Variants in JAKMIP1 observed in about 807,000 individuals in gnomAD.
The protein encoded by JAKMIP1 is janus kinase and microtubule interacting protein 1.
A neutral mutation model predicts 113.0 loss-of-function variants in JAKMIP1; 33 were observed. That is an observed-to-expected ratio of 0.29 (90% CI 0.22 to 0.39). The LOEUF (loss-of-function observed/expected upper bound fraction) is 0.39, where lower values mean the gene tolerates loss of function less well. Ranked by LOEUF, JAKMIP1 falls within the 10% of genes least tolerant of loss-of-function variation. JAKMIP1 has a pLI of 1.00. For missense variants in JAKMIP1, 813 were observed against 1,080.5 expected (o/e 0.75, Z 3.47); for synonymous variants, 480 against 459.9 (o/e 1.04, Z -0.56).
chr4:6,151,650 G>A (rs1172731828), intron 1 of JAKMIP1, among the ~76,000 whole-genome samples: 1 of 152,174 alleles, frequency 6.6e-6, no homozygotes, highest in Non-Finnish European at 1.5e-5. Flanking sequence ...CAGTCCTCCT[G>A]GCTGGAACCA....
rs1454755156 is a variant in JAKMIP1, at chr4:6,167,265, C to T, written c.-148+32988G>A. 6.6e-6 allele frequency among the ~76,000 whole-genome samples: 1 copy of T among 152,064 alleles called. No individual in the cohort carries two copies. Among genetic ancestry groups the T allele is most frequent in the African/African-American group, 2.4e-5 (1 of 41,410 alleles). On this transcript the variant is annotated intron_variant, in intron 1 of 20. Transcript: ENST00000409021. The surrounding 1 kb of genome is among the most constrained non-coding windows in gnomAD (Gnocchi z 5.3). ...CCCTCCCTCTTGCATCCAAGCAGTC[C>T]CCATGTCCCATCAGAGCTGGGACTT...
At position 6,153,303 on chromosome 4, in the gene JAKMIP1, A is replaced by C. The variant is rs936998864; in HGVS notation, c.-147-40306T>G. Among the ~76,000 whole-genome samples, 2 of 152,130 alleles carry C rather than the reference A, an allele frequency of 1.3e-5. No individual in the cohort carries two copies. The highest frequency in any genetic ancestry group is 4.8e-5 in the African/African-American group (2 of 41,442). ...CTTCCCCGAGCCTGGCCTCCTTCAC[A>C]CAGGCCTTGGTCACAGGCAGATCTG... is the stretch of plus-strand genomic sequence containing the variant. On this transcript the variant is annotated intron_variant, in intron 1 of 20. Transcript: ENST00000409021. This position sits in a 1 kb window ranked among gnomAD's most constrained non-coding sequence, Gnocchi z 4.9.
At chr4:6,148,724 TC>T (rs2108977848) in intron 1 of JAKMIP1, among the ~76,000 whole-genome samples, 1 of 152,320 alleles carries the variant, frequency 6.6e-6, no homozygotes, top group East Asian at 1.9e-4. Context: ...TCACTGTGCC[TC>T]CAACTCCCAC....
At chr4:6,077,561 A>G (rs1181481579) in intron 8 of JAKMIP1, among the ~76,000 whole-genome samples, 1 of 138,708 alleles carries the variant, frequency 7.2e-6, no homozygotes, top group East Asian at 2.1e-4. Context: ...ATCATGACTC[A>G]CTACAGCCTT....
At position 6,156,789 on chromosome 4, in the gene JAKMIP1, T is replaced by G. The variant is rs2108994450; in HGVS notation, c.-148+43464A>C. On this transcript the variant is annotated intron_variant, in intron 1 of 20. Transcript: ENST00000409021. The surrounding 1 kb of genome is among the most constrained non-coding windows in gnomAD (Gnocchi z 5.0). ...CTCCACTGTCCCCAGATGTCTGGTC[T>G]TGGGAATCTCATGGCCACACCTGGC... Among the ~76,000 whole-genome samples, 1 of 152,376 alleles carries G rather than the reference T, an allele frequency of 6.6e-6. No homozygotes were observed. The highest frequency in any genetic ancestry group is 2.1e-4 in the South Asian group (1 of 4,832).
rs35403494 is a variant in JAKMIP1, at chr4:6,031,471, G to A, written c.2380-1690C>T. Among the ~76,000 whole-genome samples the A allele has an allele frequency of 0.093, 14,219 of 152,114 alleles. 770 individuals carry two copies. Among genetic ancestry groups the A allele is most frequent in the African/African-American group, 0.14 (5,789 of 41,464 alleles). ...GTGAGGTATCGTGCCGTGGGCTGGA[G>A]GAGACGTGGAACCCAGCAGGGTTAG... is the stretch of plus-strand genomic sequence containing the variant. On this transcript the variant is annotated intron_variant, in intron 19 of 20. Coordinates refer to ENST00000409021, the MANE Select transcript of JAKMIP1 (RefSeq NM_001099433.2). The surrounding 1 kb of genome is among the most constrained non-coding windows in gnomAD (Gnocchi z 4.4).
intron 3 of JAKMIP1, among the ~76,000 whole-genome samples, chr4:6,095,626 G>C (rs1027670650): frequency 6.6e-6 from 1 of 152,164 alleles, no homozygotes; most frequent in African/African-American, 2.4e-5. Context: ...GGCAGCAAAC[G>C]CGGATGCAAT....
chr4:6,056,873 A>G, intron 11 of JAKMIP1, 114 bp from the exon 12 acceptor site: 1 of 781,262 alleles, frequency 1.3e-6, no homozygotes. Context: ...AAGGTCATAA[A>G]AAATGACAGC....
chr4:6,118,522 G>A (rs548941557), intron 1 of JAKMIP1, among the ~76,000 whole-genome samples: 9 of 152,232 alleles, frequency 5.9e-5, no homozygotes, highest in South Asian at 4.2e-4. Flanking sequence ...GTGGATATTC[G>A]CCAACCTTGA....
intron 10 of JAKMIP1, among the ~76,000 whole-genome samples, chr4:6,060,939 GC>G (rs1717186594): frequency 1.3e-5 from 2 of 152,182 alleles, no homozygotes; most frequent in Non-Finnish European, 2.9e-5. Flanking sequence ...CCTGGCCCAG[GC>G]CCCTTATCAC....
chr4:6,186,004 G>C lies in JAKMIP1; in HGVS notation c.-148+14249C>G, dbSNP rs962658399. 2.0e-5 allele frequency among the ~76,000 whole-genome samples: 3 copies of C among 152,088 alleles called. No homozygotes were observed. Among genetic ancestry groups the C allele is most frequent in the Non-Finnish European group, 4.4e-5 (3 of 68,030 alleles). The stretch of plus-strand genomic sequence containing the variant: ...TTCCAATTGTGCTGGACAATAAGAG[G>C]GAGAAGAGGGGCACTCCATTCAGTA... On this transcript the variant is annotated intron_variant, in intron 1 of 20. Transcript: ENST00000409021. The surrounding 1 kb of genome is among the most constrained non-coding windows in gnomAD (Gnocchi z 5.5).
chr4:6,062,275 G>A (rs1297825189), intron 10 of JAKMIP1, 37 bp downstream of exon 10: 15 of 1,610,160 alleles, frequency 9.3e-6, no homozygotes, highest in South Asian at 5.5e-5. Context: ...CCTGGCCTTC[G>A]GCCCCTCCCT....
rs1213866491 is a variant in JAKMIP1, at chr4:6,116,117, T to C, written c.-147-3120A>G. 3.3e-5 allele frequency among the ~76,000 whole-genome samples: 5 copies of C among 151,930 alleles called. No homozygotes were observed. The highest frequency in any genetic ancestry group is 9.7e-5 in the African/African-American group (4 of 41,350). On this transcript the variant is annotated intron_variant, in intron 1 of 20. Transcript: ENST00000409021. The surrounding 1 kb of genome is among the most constrained non-coding windows in gnomAD (Gnocchi z 5.1). ...ACGAATGGAGTGCAGGAGGGGAAGA[T>C]GTCCAAAGTTCTGGGCCAAGTCAAT...
Position 6,031,633 on chromosome 4 carries a change from A to G in JAKMIP1, c.2380-1852T>C, listed in dbSNP as rs1712676006. On this transcript the variant is annotated intron_variant, in intron 19 of 20. Coordinates refer to ENST00000409021, the MANE Select transcript of JAKMIP1 (RefSeq NM_001099433.2). The surrounding 1 kb of genome is among the most constrained non-coding windows in gnomAD (Gnocchi z 4.4). ...TGGCCCATGTCCCGATGAGGTGCTC[A>G]CAGCTTTGGGGTTGCCATGGGGAGC... Among the ~76,000 whole-genome samples, 1 of 152,196 alleles carries G rather than the reference A, an allele frequency of 6.6e-6. No individual in the cohort carries two copies. The highest frequency in any genetic ancestry group is 2.4e-5 in the African/African-American group (1 of 41,450).
chr4:6,109,124 C>CTTTTTTTT (rs71173408), intron 2 of JAKMIP1, among the ~76,000 whole-genome samples: 24 of 96,884 alleles, frequency 2.5e-4, no homozygotes, highest in Non-Finnish European at 4.6e-4. Context: ...CCTGGGGCAC[C>CTTTTTTTT]TTTTTTTTTT....
In JAKMIP1 at chr4:6,049,669, C is replaced by CAGG. The variant is rs756664577; in HGVS notation, c.1962+147_1962+149dup. The stretch of plus-strand genomic sequence containing the variant: ...ACGAATGCCAACCCCACCACCCACA[C>CAGG]AGGAACACGGCCATACAAAAGCCTT... On this transcript the variant is annotated intron_variant, in intron 15 of 20. Coordinates refer to ENST00000409021, the MANE Select transcript of JAKMIP1 (RefSeq NM_001099433.2). This position sits in a 1 kb window ranked among gnomAD's most constrained non-coding sequence, Gnocchi z 7.0. 1 of 643,052 alleles carries CAGG rather than the reference C, an allele frequency of 1.6e-6. No individual in the cohort carries two copies. Among genetic ancestry groups the CAGG allele is most frequent in the Non-Finnish European group, 2.7e-6 (1 of 366,706 alleles). 39.8% of individuals were successfully genotyped at this position (643,052 alleles called of 1,614,324 possible). A position where few individuals can be genotyped will look rare whatever the true frequency, so the allele number is the denominator to read the frequency against.
rs529809623 is a variant in JAKMIP1, at chr4:6,134,466, T to TCTTCTTTAAAAAC, written c.-147-21470_-147-21469insGTTTTTAAAGAAG. 5.2e-3 allele frequency among the ~76,000 whole-genome samples: 788 copies of TCTTCTTTAAAAAC among 152,288 alleles called. 7 individuals are homozygous for TCTTCTTTAAAAAC. The highest frequency in any genetic ancestry group is 0.018 in the African/African-American group (741 of 41,550). On this transcript the variant is annotated intron_variant, in intron 1 of 20. Coordinates refer to ENST00000409021, the MANE Select transcript of JAKMIP1 (RefSeq NM_001099433.2). ...CCTCCCCGTCTTTTCCACCTGTTCA[T>TCTTCTTTAAAAAC]CTTCTTTAAAATTCAGCTTGGGCAT...
At position 6,186,497 on chromosome 4, in the gene JAKMIP1, TA is replaced by T. The variant is rs1385356821; in HGVS notation, c.-148+13755del. On this transcript the variant is annotated intron_variant, in intron 1 of 20. Coordinates refer to ENST00000409021, the MANE Select transcript of JAKMIP1 (RefSeq NM_001099433.2). The surrounding 1 kb of genome is among the most constrained non-coding windows in gnomAD (Gnocchi z 5.5). ...GGCATGGCTTGATGCTACTGACTTC[TA>T]ACTTCATTGCATTGTAGTCACAGAA... 6.6e-6 allele frequency among the ~76,000 whole-genome samples: 1 copy of T among 152,244 alleles called. No individual in the cohort carries two copies. The highest frequency in any genetic ancestry group is 2.4e-5 in the African/African-American group (1 of 41,456).
rs80084521 is a variant in JAKMIP1, at chr4:6,157,056, T to A, written c.-148+43197A>T. Among the ~76,000 whole-genome samples the A allele has an allele frequency of 0.011, 1,606 of 152,284 alleles. 47 individuals are homozygous for A. The highest frequency in any genetic ancestry group is 0.075 in the Admixed American group (1,143 of 15,298). ...CTCATGAATGGATTAATGCCATTATTGCCGGAGTGGATTCCTGATAAAAAG... is the reference window on the plus strand; with the variant it reads ...CTCATGAATGGATTAATGCCATTATAGCCGGAGTGGATTCCTGATAAAAAG... On this transcript the variant is annotated intron_variant, in intron 1 of 20. Coordinates refer to ENST00000409021, the MANE Select transcript of JAKMIP1 (RefSeq NM_001099433.2). The surrounding 1 kb of genome is among the most constrained non-coding windows in gnomAD (Gnocchi z 4.7).
Sources: allele counts gnomAD v4.1 joint callset (sites outside exome capture counted in the v4.1 genomes callset), GRCh38; gene constraint gnomAD v4.1.1; non-coding constraint Gnocchi (gnomAD v3.1); transcripts MANE v1.5; gene names NCBI Gene and HGNC (gene_info 2026-07-23, HGNC 2026-07-21).